The following CD81 variants were observed in gnomAD, a reference collection of about 807,000 sequenced individuals.
CD81 encodes the protein CD81 antigen.
Under a neutral mutation model 30.1 loss-of-function variants are expected in CD81, and 10 were observed. The observed-to-expected ratio is 0.33, with a 90% CI of 0.21 to 0.56. The LOEUF (loss-of-function observed/expected upper bound fraction) is 0.56. Among genes scored for constraint, CD81 ranks in the 20% least tolerant of loss-of-function variants. The pLI is 0.89. For synonymous variants in CD81, 147 were observed against 126.4 expected (o/e 1.16, Z -1.10); for missense variants, 263 against 308.7 (o/e 0.85, Z 1.11).
In CD81 at chr11:2,396,724, C is replaced by T. The variant is rs34510250; in HGVS notation, c.648+10C>T. 1.2e-3 allele frequency: 1,943 copies of T among 1,611,278 alleles called. 23 individuals carry two copies. The African/African-American group carries it at 0.022, about 19-fold the overall frequency. ...GGTCGCTGTGATCATGGTGAGCGGG[C>T]GGGGGCGGAGGGCCTGCTCTCTGGG... On this transcript the variant is annotated intron_variant, in intron 7 of 7. Transcript: ENST00000263645.
At chr11:2,386,191 G>A (rs1849795600) in intron 1 of CD81, 2 of 716,878 alleles carry the variant, frequency 2.8e-6, no homozygotes. Context: ...TTTGCTGTGT[G>A]TGGATCTTGC....
In CD81 at chr11:2,395,637, A is replaced by G. The variant is rs1249774033; in HGVS notation, c.459+117A>G. On this transcript the variant is annotated intron_variant, in intron 5 of 7. Transcript: ENST00000263645. ...CTCAGGAGCAGGAGGTGCCCTTGGG[A>G]CCTCCAGGACCCCTGGTCTCAACTG... 7 of 847,206 alleles carry G rather than the reference A, an allele frequency of 8.3e-6. No homozygotes were observed. In the Admixed American group the frequency reaches 1.2e-4, roughly 15 times the overall value. 52.5% of individuals were successfully genotyped at this position (847,206 alleles called of 1,614,324 possible).
intron 2 of CD81, chr11:2,392,836 G>C (rs545916859): frequency 6.6e-6 from 1 of 152,458 alleles, no homozygotes; most frequent in Non-Finnish European, 1.5e-5. Flanking sequence ...CCTGGCAGGG[G>C]GTCTGGCAGC....
chr11:2,384,485 G>A (rs1046648593), intron 1 of CD81, among the ~76,000 whole-genome samples: 4 of 140,544 alleles, frequency 2.8e-5, no homozygotes, highest in Admixed American at 2.8e-4. Flanking sequence ...GCATCTTGTG[G>A]GGTAGGGCGG....
intron 1 of CD81, among the ~76,000 whole-genome samples, chr11:2,380,420 C>T (rs761002952): frequency 3.9e-5 from 6 of 152,060 alleles, no homozygotes; most frequent in Non-Finnish European, 7.4e-5. Flanking sequence ...CTCACACACA[C>T]GAATGTGCAC....
Position 2,394,086 on chromosome 11 carries a change from C to T in CD81, c.182-9C>T. On this transcript the variant is annotated splice_polypyrimidine_tract_variant and intron_variant, in intron 2 of 7. Coordinates refer to ENST00000263645, the MANE Select transcript of CD81 (RefSeq NM_004356.4). ...GTAGGCACCCACCTGGTGTCTCTCTCCCCGCAAGGCATCTACATCCTCATC... is the reference window on the plus strand; with the variant it reads ...GTAGGCACCCACCTGGTGTCTCTCTTCCCGCAAGGCATCTACATCCTCATC... 1.2e-6 allele frequency: 2 copies of T among 1,609,060 alleles called. No individual in the cohort carries two copies. Among genetic ancestry groups the T allele is most frequent in the Non-Finnish European group, 1.7e-6 (2 of 1,176,174 alleles).
chr11:2,394,546 A>G (rs1849962865), intron 3 of CD81, among the ~76,000 whole-genome samples: 2 of 152,150 alleles, frequency 1.3e-5, no homozygotes, highest in African/African-American at 4.8e-5. Flanking sequence ...GAGGGAGCCT[A>G]TGCCCGTGTC....
intron 1 of CD81, chr11:2,385,832 G>A (rs1849788025): frequency 1.6e-6 from 1 of 618,484 alleles, no homozygotes; most frequent in African/African-American, 2.2e-5. Context: ...GGTTGTTTCA[G>A]TTTGGGGCAT....
intron 1 of CD81, chr11:2,386,448 G>C (rs1849799236): frequency 1.5e-6 from 1 of 681,644 alleles, no homozygotes; most frequent in African/African-American, 1.8e-5. Flanking sequence ...TTGGGGATTT[G>C]GTGCTGCCAT....
Position 2,377,695 on chromosome 11 carries a change from G to A in CD81, c.66+80G>A, listed in dbSNP as rs1383367534. 2.2e-6 allele frequency: 2 copies of A among 919,562 alleles called. No homozygotes were observed. Among genetic ancestry groups the A allele is most frequent in the Non-Finnish European group, 3.1e-6 (2 of 653,822 alleles). The allele number at this position is 919,562 out of a possible 1,614,324, so 57.0% of individuals were successfully genotyped here. A position where few individuals can be genotyped will look rare whatever the true frequency, so the allele number is the denominator to read the frequency against. On this transcript the variant is annotated intron_variant, in intron 1 of 7. Coordinates refer to ENST00000263645, the MANE Select transcript of CD81 (RefSeq NM_004356.4). This position sits in a 1 kb window ranked among gnomAD's most constrained non-coding sequence, Gnocchi z 7.7. The stretch of plus-strand genomic sequence containing the variant: ...GGGCAGGTCCCGCGGCAGCGTGCTA[G>A]GCCCCGCGGGCGCAGCGCGGGCCGC...
At chr11:2,391,631 C>T (rs1372559124) in intron 2 of CD81, 1 of 152,144 alleles carries the variant, frequency 6.6e-6, no homozygotes, top group Admixed American at 6.5e-5. Flanking sequence ...CGGAGGGTTT[C>T]TGGGCCCAGC....
chr11:2,389,564 G>A (rs550653901), intron 1 of CD81, among the ~76,000 whole-genome samples: 28 of 152,196 alleles, frequency 1.8e-4, no homozygotes, highest in African/African-American at 5.5e-4. Flanking sequence ...CGGATGACCC[G>A]GCGTTGAAGG....
At chr11:2,382,703 C>G (rs1253456646) in intron 1 of CD81, among the ~76,000 whole-genome samples, 1 of 152,242 alleles carries the variant, frequency 6.6e-6, no homozygotes, top group Non-Finnish European at 1.5e-5. Context: ...CTGCCAGGAG[C>G]ATGATATCCG....
upstream of CD81, chr11:2,376,747 C>G (rs550050994): frequency 1.3e-5 from 2 of 152,302 alleles, no homozygotes; most frequent in African/African-American, 4.8e-5. Context: ...TCTCCCCTTC[C>G]GTGAGACAGG....
intron 5 of CD81, 127 bp from the exon 6 acceptor site, chr11:2,395,742 G>A: frequency 1.3e-6 from 1 of 787,908 alleles, no homozygotes; most frequent in Non-Finnish European, 2.2e-6. Flanking sequence ...GAGGAAGAAG[G>A]CTGGCCCCTG....
At chr11:2,376,949 A>G (rs954236161), upstream of CD81, 3 of 152,324 alleles carry the variant, frequency 2.0e-5, no homozygotes, top group African/African-American at 7.2e-5. Flanking sequence ...GAGCCCTCCC[A>G]GATTGTCCAA....
At chr11:2,386,529 C>A (rs1293028511) in intron 1 of CD81, 1 of 716,476 alleles carries the variant, frequency 1.4e-6, no homozygotes, top group South Asian at 1.5e-5. Context: ...CCGGCAGTGA[C>A]CATCACCACC....
intron 6 of CD81, chr11:2,396,380 G>A (rs773705160): frequency 1.2e-5 from 7 of 600,586 alleles, no homozygotes; most frequent in Admixed American, 8.4e-5. Flanking sequence ...ACCAATGACC[G>A]TGATCTCAGT....
chr11:2,396,144 C>T (rs1327233766), intron 6 of CD81, 174 bp downstream of exon 6: 4 of 662,438 alleles, frequency 6.0e-6, no homozygotes, highest in African/African-American at 3.6e-5. Flanking sequence ...ATCTGGCCCA[C>T]GAGGAAGGCA....
Sources: gnomAD v4.1 joint callset for allele counts (sites outside exome capture counted in the v4.1 genomes callset) on GRCh38, gnomAD v4.1.1 for gene constraint, Gnocchi (gnomAD v3.1) non-coding constraint, MANE v1.5 for transcripts, NCBI Gene and HGNC (gene_info 2026-07-23, HGNC 2026-07-21) for gene names.